RAB6A: variants seen among roughly 807,000 people sequenced by gnomAD.
RAB6A encodes the protein ras-related protein Rab-6A.
RAB6A carries 8 observed loss-of-function variants against 32.3 expected under a neutral mutation model. That is an observed-to-expected ratio of 0.25 (90% CI 0.15 to 0.45). The LOEUF is 0.45. RAB6A is among the 20% of genes least tolerant of loss of function. The probability of loss-of-function intolerance (pLI) is 1.00; values close to 1 mark genes in which losing one functional copy is unlikely to be tolerated. For synonymous variants in RAB6A, 73 were observed against 82.1 expected, an observed-to-expected ratio of 0.89 and a Z score of 0.60; for missense variants, 104 against 249.4, an observed-to-expected ratio of 0.42 and a Z score of 3.93.
chr11:73,728,184 T>C (rs1946250229), intron 2 of RAB6A, among the ~76,000 whole-genome samples: 1 of 152,190 alleles, frequency 6.6e-6, no homozygotes, highest in East Asian at 1.9e-4. Context: ...GTTCTTTGAT[T>C]TTTGGTATTG....
rs538569094 is a variant in RAB6A at position 73,700,847 on chromosome 11, C to A, written c.495+6573G>T. Among the ~76,000 whole-genome samples, 137 of 152,026 alleles carry A rather than the reference C, an allele frequency of 9.0e-4. 2 individuals carry two copies. The highest frequency in any genetic ancestry group is 1.2e-3 in the Non-Finnish European group (84 of 67,982). On this transcript the variant is annotated intron_variant, in intron 6 of 7. Transcript: ENST00000336083. ...AGAAGCAGGACTTTAGGGTCAAGTGCTTAAATCAAAATAAAGAGCAAAAGG... is the reference window on the plus strand; with the variant it reads ...AGAAGCAGGACTTTAGGGTCAAGTGATTAAATCAAAATAAAGAGCAAAAGG...
chr11:73,687,658 C>T (rs1333150139), intron 6 of RAB6A, among the ~76,000 whole-genome samples: 2 of 152,200 alleles, frequency 1.3e-5, no homozygotes, highest in African/African-American at 4.8e-5. Flanking sequence ...GAGTTCCAGG[C>T]CAGCCTGGCT....
chr11:73,718,422 G>T (rs768223394), intron 4 of RAB6A, among the ~76,000 whole-genome samples, 191 bp downstream of exon 4: 1 of 152,126 alleles, frequency 6.6e-6, no homozygotes, highest in African/African-American at 2.4e-5. Flanking sequence ...CAAAAAACCT[G>T]GCACAGTTAC....
At chr11:73,731,436 C>A (rs1349390633) in intron 1 of RAB6A, among the ~76,000 whole-genome samples, 1 of 149,774 alleles carries the variant, frequency 6.7e-6, no homozygotes. Flanking sequence ...CCCAGCTACT[C>A]GGAAGGCTGA....
chr11:73,756,991 ACC>A (rs1169238538), intron 1 of RAB6A, among the ~76,000 whole-genome samples: 7 of 150,220 alleles, frequency 4.7e-5, no homozygotes, highest in Non-Finnish European at 8.9e-5. Context: ...CCTTTATTAA[ACC>A]GTAAGAATTT....
intron 2 of RAB6A, among the ~76,000 whole-genome samples, chr11:73,727,971 CTTTT>C (rs779528646): frequency 1.3e-5 from 2 of 151,896 alleles, no homozygotes; most frequent in South Asian, 2.1e-4. Context: ...AACTTGTTTT[CTTTT>C]TTTAACTTAA....
chr11:73,709,043 A>T (rs896935394), intron 5 of RAB6A, among the ~76,000 whole-genome samples: 4 of 152,190 alleles, frequency 2.6e-5, no homozygotes, highest in Non-Finnish European at 5.9e-5. Flanking sequence ...AAACACTTTT[A>T]AAAAACTGTT....
chr11:73,690,418 G>C (rs934972699), intron 6 of RAB6A, among the ~76,000 whole-genome samples: 6 of 152,092 alleles, frequency 3.9e-5, no homozygotes, highest in Non-Finnish European at 8.8e-5. Context: ...CTGTCTCACT[G>C]TGTTGCCAGG....
At chr11:73,680,408 G>A (rs970032719) in intron 6 of RAB6A, among the ~76,000 whole-genome samples, 3 of 152,248 alleles carry the variant, frequency 2.0e-5, no homozygotes, top group African/African-American at 7.2e-5. Flanking sequence ...TGTAATCCCA[G>A]CACTTTGGGA....
At chr11:73,712,347 C>A (rs1312739118) in intron 5 of RAB6A, among the ~76,000 whole-genome samples, 2 of 150,290 alleles carry the variant, frequency 1.3e-5, no homozygotes, top group African/African-American at 4.9e-5. Flanking sequence ...TGGGTCTGTT[C>A]CTAGCTTTTC....
intron 5 of RAB6A, among the ~76,000 whole-genome samples, chr11:73,710,119 C>T (rs1035076278): frequency 3.1e-5 from 3 of 97,390 alleles, no homozygotes; most frequent in South Asian, 4.7e-4. Context: ...CCACCACACC[C>T]GGCTAATTTT....
intron 5 of RAB6A, among the ~76,000 whole-genome samples, chr11:73,709,422 G>A (rs1440919872): frequency 7.3e-6 from 1 of 137,412 alleles, no homozygotes; most frequent in Non-Finnish European, 1.6e-5. Context: ...GGACCAATGA[G>A]TTTTCTCCTT....
At chr11:73,728,575 C>G (rs1253986205) in intron 2 of RAB6A, among the ~76,000 whole-genome samples, 1 of 144,404 alleles carries the variant, frequency 6.9e-6, no homozygotes, top group East Asian at 2.0e-4. Context: ...GAGTTCAATA[C>G]CAGCCTGGGC....
At position 73,760,924 on chromosome 11, in the gene RAB6A, G is replaced by C; in HGVS notation, c.-289C>G. The C allele has an allele frequency of 5.4e-6, 2 of 371,576 alleles. No homozygotes were observed. The highest frequency in any genetic ancestry group is 1.0e-5 in the Non-Finnish European group (2 of 197,440). The allele number at this position is 371,576 out of a possible 1,614,324, so 23.0% of individuals were successfully genotyped here. ...GTGTCCTCTGGCTTCCCAAAGCTAG[G>C]GCCGTTCCCTCCTTCCGCACTCGGC... On this transcript the variant is annotated 5_prime_UTR_variant, in exon 1 of 8. Coordinates refer to ENST00000336083, the MANE Select transcript of RAB6A (RefSeq NM_198896.2).
chr11:73,731,373 T>C (rs1946298751), intron 1 of RAB6A, among the ~76,000 whole-genome samples: 1 of 151,506 alleles, frequency 6.6e-6, no homozygotes, highest in African/African-American at 2.4e-5. Flanking sequence ...TGAAATCGTG[T>C]CTCTACTAAA....
At chr11:73,698,165 G>T (rs1945683779) in intron 6 of RAB6A, among the ~76,000 whole-genome samples, 2 of 152,290 alleles carry the variant, frequency 1.3e-5, no homozygotes, top group South Asian at 4.1e-4. Context: ...AGATTGCAGT[G>T]AGCCGAGATT....
intron 6 of RAB6A, among the ~76,000 whole-genome samples, chr11:73,680,814 T>C (rs756138053): frequency 2.0e-5 from 3 of 152,190 alleles, no homozygotes; most frequent in Non-Finnish European, 2.9e-5. Context: ...TCTTCCATCA[T>C]TGGAATGAGT....
intron 3 of RAB6A, among the ~76,000 whole-genome samples, chr11:73,720,409 T>C (rs976977646): frequency 6.6e-6 from 1 of 152,046 alleles, no homozygotes; most frequent in African/African-American, 2.4e-5. Context: ...CTCAAACTCC[T>C]GACCTCAGAT....
intron 5 of RAB6A, among the ~76,000 whole-genome samples, chr11:73,707,786 C>G (rs1388753865): frequency 6.6e-6 from 1 of 152,058 alleles, no homozygotes; most frequent in African/African-American, 2.4e-5. Flanking sequence ...AACTTAATAG[C>G]TTGAGGATGC....
Sources: gnomAD v4.1 joint callset for allele counts (sites outside exome capture counted in the v4.1 genomes callset) on GRCh38, gnomAD v4.1.1 for gene constraint, MANE v1.5 for transcripts, NCBI Gene and HGNC (gene_info 2026-07-23, HGNC 2026-07-21) for gene names.